ZNF782: variants seen among roughly 807,000 people sequenced by gnomAD.
ZNF782 encodes the protein zinc finger protein 782.
A neutral mutation model predicts 13.0 loss-of-function variants in ZNF782; 12 were observed. The ratio of observed to expected loss-of-function variants is 0.92; its 90% confidence interval spans 0.59 to 1.50. The LOEUF (loss-of-function observed/expected upper bound fraction) is 1.50, where lower values mean the gene tolerates loss of function less well. Among genes scored for constraint, ZNF782 ranks in the 40% most tolerant of loss-of-function variants. The pLI, the probability that ZNF782 is intolerant of heterozygous loss-of-function variation, is 0.00. For synonymous variants in ZNF782, 284 were observed against 283.0 expected (o/e 1.00, Z -0.04); for missense variants, 770 against 822.9 (o/e 0.94, Z 0.79).
At chr9:96,931,177 C>A in the ZNF782 span, among the ~76,000 whole-genome samples, 1 of 152,120 alleles carries the variant, frequency 6.6e-6, no homozygotes, top group Non-Finnish European at 1.5e-5. Context: ...CATGAACCAG[C>A]ATGCCCGGCC....
At chr9:96,870,195 T>C (rs181928027) in intron 1 of ZNF782, among the ~76,000 whole-genome samples, 84 of 152,330 alleles carry the variant, frequency 5.5e-4, no homozygotes, top group Admixed American at 5.0e-3. Context: ...ATGGTGATTG[T>C]TACAGGTTGG....
At chr9:96,932,980 T>TTC in the ZNF782 span, among the ~76,000 whole-genome samples, 11 of 141,758 alleles carry the variant, frequency 7.8e-5, no homozygotes, top group Non-Finnish European at 1.5e-4. Flanking sequence ...TTTCTTTTCT[T>TTC]TTTTTTTTTT....
chr9:96,930,868 A>G, the ZNF782 span, among the ~76,000 whole-genome samples: 1 of 98,638 alleles, frequency 1.0e-5, no homozygotes, highest in African/African-American at 3.8e-5. Context: ...GTTTCCATCC[A>G]GTGGTTTTTT....
At chr9:96,897,875 A>T in the ZNF782 span, 1 of 151,924 alleles carries the variant, frequency 6.6e-6, no homozygotes, top group African/African-American at 2.4e-5. Context: ...TGTAACAATT[A>T]AACTATTATT....
At chr9:96,892,960 A>T in the ZNF782 span, 1 of 152,044 alleles carries the variant, frequency 6.6e-6, no homozygotes, top group African/African-American at 2.4e-5. Context: ...AATATGATCA[A>T]TAGGGTTTCA....
the ZNF782 span, among the ~76,000 whole-genome samples, chr9:96,930,055 C>A: frequency 1.3e-5 from 2 of 152,270 alleles, no homozygotes. Flanking sequence ...TGGCTAGAGA[C>A]TGCATGAGGT....
chr9:96,875,757 T>A (rs766915488), upstream of ZNF782: 1 of 366,928 alleles, frequency 2.7e-6, no homozygotes, highest in African/African-American at 2.1e-5. Context: ...TCACTAGAAG[T>A]TGACAGGCTG....
At chr9:96,911,590 G>T in the ZNF782 span, among the ~76,000 whole-genome samples, 1 of 143,852 alleles carries the variant, frequency 7.0e-6, no homozygotes, top group African/African-American at 2.5e-5. Context: ...GCGCGATCTC[G>T]GCTCACTGCA....
chr9:96,933,716 C>G, the ZNF782 span: 3 of 152,368 alleles, frequency 2.0e-5, no homozygotes, highest in East Asian at 5.8e-4. Flanking sequence ...TTCCCTCGAA[C>G]TGAGTGTCAA....
intron 1 of ZNF782, among the ~76,000 whole-genome samples, chr9:96,874,109 C>CAAT (rs1380305100): frequency 6.6e-6 from 1 of 152,098 alleles, no homozygotes; most frequent in Non-Finnish European, 1.5e-5. Context: ...AAGGAAAAGA[C>CAAT]AATAGATCAC....
chr9:96,896,299 C>T, the ZNF782 span, among the ~76,000 whole-genome samples: 4 of 152,148 alleles, frequency 2.6e-5, no homozygotes, highest in Non-Finnish European at 5.9e-5. Context: ...CAGGTGTATG[C>T]CAACTCTCCA....
chr9:96,852,169 T>C (rs767902299), intron 2 of ZNF782, among the ~76,000 whole-genome samples, 164 bp from the exon 3 acceptor site: 1 of 148,854 alleles, frequency 6.7e-6, no homozygotes, highest in Non-Finnish European at 1.5e-5. Context: ...GGTGGCACTG[T>C]CTACGACAAC....
chr9:96,924,698 C>T, the ZNF782 span, among the ~76,000 whole-genome samples: 10 of 152,016 alleles, frequency 6.6e-5, no homozygotes, highest in East Asian at 1.9e-4. Context: ...ACTGATTTTA[C>T]GAGGACAGGA....
chr9:96,844,793 A>C, intron 4 of ZNF782, 97 bp downstream of exon 4: 1 of 1,559,142 alleles, frequency 6.4e-7, no homozygotes, highest in Non-Finnish European at 8.8e-7. Context: ...CCAGAATTGC[A>C]CTGTAGAGGG....
chr9:96,920,044 A>G, the ZNF782 span, among the ~76,000 whole-genome samples: 1 of 151,126 alleles, frequency 6.6e-6, no homozygotes, highest in Non-Finnish European at 1.5e-5. Context: ...AGAAGTAGGT[A>G]AACTTCTGAA....
chr9:96,903,129 G>A, the ZNF782 span: 2 of 151,310 alleles, frequency 1.3e-5, no homozygotes, highest in African/African-American at 2.4e-5. Context: ...AAAAAACACA[G>A]ATTCATATAG....
chr9:96,914,110 T>G, the ZNF782 span, among the ~76,000 whole-genome samples: 1 of 151,574 alleles, frequency 6.6e-6, no homozygotes, highest in Non-Finnish European at 1.5e-5. Context: ...ATTATTTTTT[T>G]GGGCCTTCAC....
intron 4 of ZNF782, among the ~76,000 whole-genome samples, chr9:96,832,190 ATTACCACAG>A (rs1850827140): frequency 6.6e-6 from 1 of 152,150 alleles, no homozygotes; most frequent in Admixed American, 6.5e-5. Context: ...TTATACACAT[ATTACCACAG>A]TTCACTGTGA....
chr9:96,821,520 A>C (rs1005218223), intron 5 of ZNF782, among the ~76,000 whole-genome samples: 1 of 152,186 alleles, frequency 6.6e-6, no homozygotes, highest in African/African-American at 2.4e-5. Context: ...TTAACAAGGA[A>C]TATATGGATA....
Sources: gnomAD v4.1 joint callset for allele counts (sites outside exome capture counted in the v4.1 genomes callset) on GRCh38, gnomAD v4.1.1 for gene constraint, MANE v1.5 for transcripts, NCBI Gene and HGNC (gene_info 2026-07-23, HGNC 2026-07-21) for gene names.